The following PSMA8 variants were observed in gnomAD, a reference collection of about 807,000 sequenced individuals.
PSMA8 encodes the protein proteasome 20S subunit alpha 8.
PSMA8 carries 18 observed loss-of-function variants against 32.4 expected under a neutral mutation model. That is an observed-to-expected ratio of 0.56 (90% confidence interval 0.38 to 0.82). PSMA8 has a LOEUF of 0.82. Ranked by LOEUF, PSMA8 falls within the 40% of genes least tolerant of loss-of-function variation. The probability of loss-of-function intolerance (pLI) is 0.00; values close to 1 mark genes in which losing one functional copy is unlikely to be tolerated. For synonymous variants in PSMA8, 104 were observed against 98.1 expected, an observed-to-expected ratio of 1.06 and a Z score of -0.36; for missense variants, 298 against 300.7, an observed-to-expected ratio of 0.99 and a Z score of 0.07.
rs765673824 is a variant in PSMA8 at position 26,192,594 on chromosome 18, G to A, written c.*183G>A. The A allele has an allele frequency of 2.4e-5, 14 of 575,898 alleles. No homozygotes were observed. Among genetic ancestry groups the A allele is most frequent in the Non-Finnish European group, 3.3e-5 (13 of 397,578 alleles). 35.7% of individuals were successfully genotyped at this position (575,898 alleles called of 1,614,324 possible). ...ATTACATAGTCAAACATAGGTTTATGTGAAGATTTTCTTTGAAAGGGGATT... is the reference window on the plus strand; with the variant it reads ...ATTACATAGTCAAACATAGGTTTATATGAAGATTTTCTTTGAAAGGGGATT... On this transcript the variant is annotated 3_prime_UTR_variant, in exon 7 of 7. Transcript: ENST00000415576.
At chr18:26,188,439 G>T (rs1258310378) in intron 6 of PSMA8, among the ~76,000 whole-genome samples, 2 of 151,032 alleles carry the variant, frequency 1.3e-5, no homozygotes, top group South Asian at 4.2e-4. Flanking sequence ...CAGATTCAAT[G>T]CAATCCCTGC....
intron 6 of PSMA8, among the ~76,000 whole-genome samples, chr18:26,188,549 AAAAGGACAAAACTG>A (rs1337435316): frequency 2.0e-5 from 3 of 152,196 alleles, no homozygotes; most frequent in Non-Finnish European, 2.9e-5. Flanking sequence ...GCCCTAAGCA[AAAAGGACAAAACTG>A]AAGGAATCAT....
At position 26,150,506 on chromosome 18, in the gene PSMA8, T is replaced by C. The variant is rs114089623; in HGVS notation, c.230-1352T>C. ...GCATGTGCCAGCATGGCCTGCTAGCTTTTTTATTTTTTTGTAGAAACCGGG... is the reference window on the plus strand; with the variant it reads ...GCATGTGCCAGCATGGCCTGCTAGCCTTTTTATTTTTTTGTAGAAACCGGG... On this transcript the variant is annotated intron_variant, in intron 2 of 6. Transcript: ENST00000415576. 3.4e-3 allele frequency among the ~76,000 whole-genome samples: 519 copies of C among 152,246 alleles called. 2 individuals carry two copies. Among genetic ancestry groups the C allele is most frequent in the African/African-American group, 0.012 (482 of 41,540 alleles).
chr18:26,179,036 A>G (rs1353116451), intron 5 of PSMA8, 32 bp from the exon 6 acceptor site: 7 of 1,607,532 alleles, frequency 4.4e-6, no homozygotes, highest in Admixed American at 1.7e-5. Flanking sequence ...ATTTGCTGAA[A>G]TAATTCTAAT....
In PSMA8 at chr18:26,134,036, C is replaced by G. The variant is rs1421923694; in HGVS notation, c.71C>G (p.Ala24Gly). 6.2e-7 allele frequency: 1 copy of G among 1,613,714 alleles called. No individual in the cohort carries two copies. Among genetic ancestry groups the G allele is most frequent in the African/African-American group, 1.3e-5 (1 of 75,010 alleles). ...PDGHLFQVEY[A>G]QEAVKKGSTA... ...GGACACCTTTTTCAAGTTGAATATG[C>G]CCAGGAAGCGGTGAAGAAAGGATCC... The change falls in exon 1 of 7, where the codon GCC becomes GGC. Residue 24 changes from alanine (A) to glycine (G), a missense_variant. Ala to Gly is a moderately conservative substitution (Grantham distance 60, BLOSUM62 0). Transcript: ENST00000415576.
chr18:26,164,243 G>A (rs1300618039), intron 4 of PSMA8, among the ~76,000 whole-genome samples: 1 of 152,118 alleles, frequency 6.6e-6, no homozygotes, highest in Non-Finnish European at 1.5e-5. Flanking sequence ...CTCAAGACCA[G>A]CCTGGGCAAC....
Position 26,151,964 on chromosome 18 carries a change from C to T in PSMA8, c.336C>T (p.Phe112=). The T allele has an allele frequency of 6.3e-7, 1 of 1,597,180 alleles. No homozygotes were observed. Among genetic ancestry groups the T allele is most frequent in the South Asian group, 1.1e-5 (1 of 87,124 alleles). The change falls in exon 3 of 7, where the codon TTC becomes TTT. Residue 112 remains phenylalanine (F), a synonymous_variant. Coordinates refer to ENST00000415576, the MANE Select transcript of PSMA8 (RefSeq NM_001025096.2). ...TCACTGTAGAATACATAACTCGCTTCATAGCAACTTTAAAGCAGGTAAGCT... is the reference window on the plus strand; with the variant it reads ...TCACTGTAGAATACATAACTCGCTTTATAGCAACTTTAAAGCAGGTAAGCT... The part of the protein sequence containing the change: ...DPVTVEYITR[F]IATLKQKYTQ...
intron 2 of PSMA8, among the ~76,000 whole-genome samples, chr18:26,148,324 A>G (rs574461755): frequency 7.6e-4 from 116 of 152,192 alleles, no homozygotes; most frequent in Non-Finnish European, 1.4e-3. Flanking sequence ...ATCATGACCA[A>G]TTTGGATCTA....
intron 3 of PSMA8, 31 bp downstream of exon 3, chr18:26,152,013 G>A: frequency 6.4e-7 from 1 of 1,560,692 alleles, no homozygotes; most frequent in Non-Finnish European, 8.7e-7. Flanking sequence ...ACTTTGTTAA[G>A]CTTTCTCCTT....
intron 1 of PSMA8, among the ~76,000 whole-genome samples, chr18:26,138,492 G>C (rs899831229): frequency 6.6e-6 from 1 of 152,196 alleles, no homozygotes; most frequent in African/African-American, 2.4e-5. Flanking sequence ...AGATCCTTTT[G>C]TCTCATGTCT....
chr18:26,185,445 G>A (rs1016684643), intron 6 of PSMA8, among the ~76,000 whole-genome samples: 1 of 150,706 alleles, frequency 6.6e-6, no homozygotes, highest in Non-Finnish European at 1.5e-5. Context: ...TAGTAAGGTT[G>A]ATTCCTCTCA....
intron 6 of PSMA8, among the ~76,000 whole-genome samples, chr18:26,188,735 A>G (rs2055377135): frequency 6.6e-6 from 1 of 152,164 alleles, no homozygotes; most frequent in South Asian, 2.1e-4. Context: ...AAGAACATAC[A>G]CTGGGAAAAA....
chr18:26,180,684 A>C (rs546172939), intron 6 of PSMA8, among the ~76,000 whole-genome samples: 3 of 147,014 alleles, frequency 2.0e-5, no homozygotes, highest in Non-Finnish European at 4.4e-5. Flanking sequence ...ATACCTATGC[A>C]TATAAAAATA....
At chr18:26,140,224 G>A in intron 1 of PSMA8, 1 of 681,824 alleles carries the variant, frequency 1.5e-6, no homozygotes, top group Non-Finnish European at 2.7e-6. Context: ...GTGATGCCTA[G>A]GTCAGCAGGC....
chr18:26,164,799 G>T (rs935840493), intron 4 of PSMA8, among the ~76,000 whole-genome samples: 2 of 152,076 alleles, frequency 1.3e-5, no homozygotes, highest in South Asian at 4.1e-4. Context: ...AGATAATGTT[G>T]TGTCTGTTTT....
At chr18:26,134,955 G>T (rs970281106) in intron 1 of PSMA8, among the ~76,000 whole-genome samples, 1 of 144,510 alleles carries the variant, frequency 6.9e-6, no homozygotes, top group Admixed American at 7.0e-5. Flanking sequence ...ACTCCGTCTC[G>T]GGAAAAAAAA....
chr18:26,163,103 A>C (rs933374092), intron 4 of PSMA8, among the ~76,000 whole-genome samples: 3 of 150,998 alleles, frequency 2.0e-5, no homozygotes, highest in Non-Finnish European at 4.4e-5. Context: ...ATGGGAATAT[A>C]GAGGTGAACT....
At chr18:26,163,215 A>ATG (rs1224192371) in intron 4 of PSMA8, among the ~76,000 whole-genome samples, 528 of 7,074 alleles carry the variant, frequency 0.075, 32 homozygotes, top group Middle Eastern at 0.17. Flanking sequence ...GTGTGTGTGT[A>ATG]TATATATATA....
At chr18:26,192,212 T>C in intron 6 of PSMA8, 107 bp from the exon 7 acceptor site, 10 of 981,344 alleles carry the variant, frequency 1.0e-5, no homozygotes, top group Non-Finnish European at 1.3e-5. Context: ...AAATATAAAG[T>C]TGTACATAGA....
Sources: gnomAD v4.1 joint callset for allele counts (sites outside exome capture counted in the v4.1 genomes callset) on GRCh38, gnomAD v4.1.1 for gene constraint, MANE v1.5 for transcripts, NCBI Gene and HGNC (gene_info 2026-07-23, HGNC 2026-07-21) for gene names.